Variants in MTCL2 observed in about 807,000 individuals in gnomAD.
The protein encoded by MTCL2 is microtubule cross-linking factor 2.
At chr20:36,793,567 C>T in the MTCL2 span, 1,883 of 1,551,664 alleles carry the variant, frequency 1.2e-3, 1 homozygote, top group Non-Finnish European at 1.5e-3. This position sits in a 1 kb window ranked among gnomAD's most constrained non-coding sequence, Gnocchi z 6.8. Flanking sequence ...AGACAGACTC[C>T]GTGCTCCCTG....
the MTCL2 span, among the ~76,000 whole-genome samples, chr20:36,827,356 C>T: frequency 6.8e-6 from 1 of 146,092 alleles, no homozygotes; most frequent in Non-Finnish European, 1.5e-5. Context: ...CCTGGACCCC[C>T]CTTTTTTTTT....
At chr20:36,810,754 T>TCTCTCTCTCTCTCTCTCTC in the MTCL2 span, among the ~76,000 whole-genome samples, 1 of 42,476 alleles carries the variant, frequency 2.4e-5, no homozygotes, top group Non-Finnish European at 6.6e-5. Context: ...CTCTCTCTCT[T>TCTCTCTCTCTCTCTCTCTC]TCAACGGAGT....
the MTCL2 span, among the ~76,000 whole-genome samples, chr20:36,816,797 C>T: frequency 6.6e-6 from 1 of 152,166 alleles, no homozygotes; most frequent in Non-Finnish European, 1.5e-5. Context: ...AATCACATGG[C>T]AGTCAAGTGG....
the MTCL2 span, among the ~76,000 whole-genome samples, chr20:36,824,744 C>T: frequency 6.6e-6 from 1 of 151,854 alleles, no homozygotes; most frequent in African/African-American, 2.4e-5. Flanking sequence ...CCTCCGTTTC[C>T]CAGGCTCAAG....
chr20:36,851,352 C>G, the MTCL2 span, among the ~76,000 whole-genome samples: 2 of 152,190 alleles, frequency 1.3e-5, no homozygotes, highest in Non-Finnish European at 2.9e-5. Context: ...GACTTTTCAT[C>G]ACATACAAAA....
chr20:36,862,621 A>C, the MTCL2 span: 1 of 1,466,464 alleles, frequency 6.8e-7, no homozygotes. Flanking sequence ...ACAGCCGGCG[A>C]CCCCTGCGAC....
chr20:36,855,657 C>T, the MTCL2 span, among the ~76,000 whole-genome samples: 1 of 152,184 alleles, frequency 6.6e-6, no homozygotes, highest in South Asian at 2.1e-4. Flanking sequence ...ACTCTCTCTG[C>T]CCCGGAGGCT....
chr20:36,819,517 CAA>C, the MTCL2 span, among the ~76,000 whole-genome samples: 8 of 151,094 alleles, frequency 5.3e-5, no homozygotes, highest in African/African-American at 1.9e-4. Flanking sequence ...GACCAAATTC[CAA>C]AGAGTTGGTA....
At chr20:36,795,800 A>G in the MTCL2 span, among the ~76,000 whole-genome samples, 2 of 152,114 alleles carry the variant, frequency 1.3e-5, no homozygotes, top group Middle Eastern at 3.4e-3. Context: ...AACAAAAAAA[A>G]CAAAACACAC....
chr20:36,827,060 T>TTATC, the MTCL2 span, among the ~76,000 whole-genome samples: 1 of 151,178 alleles, frequency 6.6e-6, no homozygotes, highest in East Asian at 1.9e-4. Flanking sequence ...ATTTATTTAT[T>TTATC]TGAGATGGAG....
At chr20:36,797,403 G>A in the MTCL2 span, 1 of 1,253,364 alleles carries the variant, frequency 8.0e-7, no homozygotes, top group Non-Finnish European at 1.1e-6. Context: ...TGTGACCTAT[G>A]AGACAGGGTT....
the MTCL2 span, among the ~76,000 whole-genome samples, chr20:36,820,645 C>T: frequency 6.6e-6 from 1 of 152,142 alleles, no homozygotes; most frequent in South Asian, 2.1e-4. Flanking sequence ...AGTTTGAGAC[C>T]AGCCTGGCCA....
chr20:36,862,308 G>A, the MTCL2 span, among the ~76,000 whole-genome samples: 2 of 152,214 alleles, frequency 1.3e-5, no homozygotes, highest in South Asian at 2.1e-4. Flanking sequence ...GAGCCTGGGC[G>A]TGGAGGTTCT....
At chr20:36,796,739 G>T in the MTCL2 span, 1 of 726,486 alleles carries the variant, frequency 1.4e-6, no homozygotes, top group Non-Finnish European at 2.3e-6. Context: ...ATGCGGTGGG[G>T]TGGCGGCAGG....
chr20:36,850,929 C>T, the MTCL2 span, among the ~76,000 whole-genome samples: 1 of 152,108 alleles, frequency 6.6e-6, no homozygotes, highest in Non-Finnish European at 1.5e-5. Context: ...AGCTCACATG[C>T]AGGAAGCTTA....
At chr20:36,840,554 A>G in the MTCL2 span, among the ~76,000 whole-genome samples, 1 of 151,622 alleles carries the variant, frequency 6.6e-6, no homozygotes, top group Non-Finnish European at 1.5e-5. Flanking sequence ...AGGCCATTTA[A>G]GAAACATGGA....
At chr20:36,810,717 C>CCGCTCTCTCTCT in the MTCL2 span, among the ~76,000 whole-genome samples, 27 of 94,194 alleles carry the variant, frequency 2.9e-4, no homozygotes, top group Non-Finnish European at 5.4e-4. Flanking sequence ...TCTCTCTCTC[C>CCGCTCTCTCTCT]CTCTCTCTCT....
At chr20:36,838,152 G>T in the MTCL2 span, among the ~76,000 whole-genome samples, 19 of 151,794 alleles carry the variant, frequency 1.3e-4, no homozygotes, top group Admixed American at 1.2e-3. Flanking sequence ...GTGGGTTCAC[G>T]CCATTCTCCT....
chr20:36,816,782 G>A, the MTCL2 span, among the ~76,000 whole-genome samples: 5 of 152,132 alleles, frequency 3.3e-5, no homozygotes, highest in Admixed American at 3.3e-4. Flanking sequence ...AAAATGACTC[G>A]CTCCAATCAC....
Sources: allele counts gnomAD v4.1 joint callset (sites outside exome capture counted in the v4.1 genomes callset), GRCh38; gene constraint gnomAD v4.1.1; non-coding constraint Gnocchi (gnomAD v3.1); transcripts MANE v1.5; gene names NCBI Gene and HGNC (gene_info 2026-07-23, HGNC 2026-07-21).